Variants in CSRNP3 observed in about 807,000 individuals in gnomAD.
The protein encoded by CSRNP3 is cysteine and serine rich nuclear protein 3.
Under a neutral mutation model 48.0 loss-of-function variants are expected in CSRNP3, and 12 were observed. The ratio of observed to expected loss-of-function variants is 0.25; its 90% confidence interval spans 0.16 to 0.41. CSRNP3 has a LOEUF of 0.41. Ranked by LOEUF, CSRNP3 falls within the 10% of genes least tolerant of loss-of-function variation. CSRNP3 has a pLI of 1.00. For synonymous variants in CSRNP3, 263 were observed against 269.7 expected (o/e 0.98, Z 0.24); for missense variants, 580 against 724.4 (o/e 0.80, Z 2.29).
intron 4 of CSRNP3, among the ~76,000 whole-genome samples, chr2:165,607,942 A>G (rs990887715): frequency 6.6e-6 from 1 of 151,720 alleles, no homozygotes; most frequent in Non-Finnish European, 1.5e-5. Context: ...ATCAGATTCT[A>G]GTAATCCCTC....
intron 4 of CSRNP3, among the ~76,000 whole-genome samples, chr2:165,600,396 G>A (rs959532818): frequency 3.2e-4 from 49 of 152,058 alleles, no homozygotes; most frequent in Admixed American, 1.4e-3. Flanking sequence ...ATAAACGTAC[G>A]TGTGCATGTG....
At chr2:165,508,244 C>T (rs1684455078) in intron 2 of CSRNP3, among the ~76,000 whole-genome samples, 1 of 151,984 alleles carries the variant, frequency 6.6e-6, no homozygotes, top group South Asian at 2.1e-4. Context: ...ATTCTACCGG[C>T]AATTCTGTTT....
intron 4 of CSRNP3, among the ~76,000 whole-genome samples, chr2:165,632,264 G>C (rs959318951): frequency 1.8e-4 from 27 of 152,198 alleles, no homozygotes; most frequent in Non-Finnish European, 4.4e-5. Context: ...GTTCACACCT[G>C]TAATCCTACT....
At chr2:165,582,401 T>C (rs562533563) in intron 3 of CSRNP3, among the ~76,000 whole-genome samples, 2 of 152,200 alleles carry the variant, frequency 1.3e-5, no homozygotes, top group African/African-American at 2.4e-5. Context: ...CTGTCAAGTA[T>C]TCCTCAAGCC....
In CSRNP3 at chr2:165,514,499, A is replaced by G. The variant is rs563129525; in HGVS notation, c.-112-3374A>G. Among the ~76,000 whole-genome samples, 13 of 152,364 alleles carry G rather than the reference A, an allele frequency of 8.5e-5. No homozygotes were observed. The South Asian group carries it at 1.5e-3, about 17-fold the overall frequency. On this transcript the variant is annotated intron_variant, in intron 2 of 6. Transcript: ENST00000651982. ...CGCTGTAGATCTTAGCACAACTTTT[A>G]AAATTCTGTCTCTCACATGTGTGCA...
At chr2:165,663,036 T>C (rs1573953281) in intron 5 of CSRNP3, among the ~76,000 whole-genome samples, 2 of 152,312 alleles carry the variant, frequency 1.3e-5, no homozygotes, top group Admixed American at 1.3e-4. Flanking sequence ...CTCAGATTTA[T>C]GACTGCTTTG....
intron 2 of CSRNP3, among the ~76,000 whole-genome samples, chr2:165,511,924 T>A (rs887192448): frequency 1.3e-5 from 2 of 152,136 alleles, no homozygotes; most frequent in African/African-American, 4.8e-5. Context: ...TCAGGTGGGT[T>A]TTTTTGTCAC....
chr2:165,502,777 G>C (rs1418961386), intron 2 of CSRNP3, among the ~76,000 whole-genome samples: 1 of 150,684 alleles, frequency 6.6e-6, no homozygotes, highest in East Asian at 1.9e-4. Context: ...CTCTCTCTCT[G>C]TGTATATATA....
intron 3 of CSRNP3, among the ~76,000 whole-genome samples, chr2:165,519,065 A>G (rs1407356572): frequency 6.6e-6 from 1 of 152,114 alleles, no homozygotes; most frequent in Non-Finnish European, 1.5e-5. Flanking sequence ...TTAGCCTAGA[A>G]TACTGGCAGC....
At chr2:165,668,306 C>T (rs556662979) in intron 5 of CSRNP3, among the ~76,000 whole-genome samples, 2 of 152,134 alleles carry the variant, frequency 1.3e-5, no homozygotes, top group Non-Finnish European at 2.9e-5. Flanking sequence ...GAAATACTAA[C>T]TGGTGAGATG....
At chr2:165,563,803 T>G (rs1217512227) in intron 3 of CSRNP3, among the ~76,000 whole-genome samples, 1 of 152,142 alleles carries the variant, frequency 6.6e-6, no homozygotes, top group Non-Finnish European at 1.5e-5. Flanking sequence ...GCTGTTAAAT[T>G]TCATGTGAAA....
At chr2:165,644,444 T>G (rs148119400) in intron 4 of CSRNP3, among the ~76,000 whole-genome samples, 3 of 152,306 alleles carry the variant, frequency 2.0e-5, no homozygotes, top group Admixed American at 6.5e-5. Context: ...TATAAATGCT[T>G]ATGTATTTAG....
intron 5 of CSRNP3, among the ~76,000 whole-genome samples, chr2:165,668,320 TA>T (rs1444175088): frequency 6.6e-6 from 1 of 152,100 alleles, no homozygotes; most frequent in Non-Finnish European, 1.5e-5. Flanking sequence ...TGAGATGTTG[TA>T]TCTTTGGTTT....
intron 4 of CSRNP3, among the ~76,000 whole-genome samples, chr2:165,613,029 T>G (rs1686165660): frequency 1.3e-5 from 2 of 152,290 alleles, no homozygotes; most frequent in South Asian, 4.1e-4. Context: ...TAATTTACAT[T>G]CTTACCAACA....
intron 4 of CSRNP3, among the ~76,000 whole-genome samples, chr2:165,614,530 T>G (rs1462341051): frequency 1.3e-5 from 2 of 152,220 alleles, no homozygotes; most frequent in African/African-American, 4.8e-5. Context: ...GGCTTTCAGC[T>G]TTTCCCTATT....
intron 4 of CSRNP3, among the ~76,000 whole-genome samples, chr2:165,656,335 T>C (rs901670747): frequency 1.3e-5 from 2 of 152,178 alleles, no homozygotes; most frequent in African/African-American, 4.8e-5. Flanking sequence ...CCTCTTCTTC[T>C]CAACTACAGT....
chr2:165,481,487 A>C (rs1684042366), intron 1 of CSRNP3, among the ~76,000 whole-genome samples: 1 of 152,076 alleles, frequency 6.6e-6, no homozygotes, highest in Non-Finnish European at 1.5e-5. Flanking sequence ...GATCACACCC[A>C]CCCACCAAAA....
In CSRNP3 at chr2:165,679,452, A is replaced by T; in HGVS notation, c.1457A>T (p.Glu486Val). 2 of 1,613,306 alleles carry T rather than the reference A, an allele frequency of 1.2e-6. No individual in the cohort carries two copies. Among genetic ancestry groups the T allele is most frequent in the Non-Finnish European group, 1.7e-6 (2 of 1,179,896 alleles). ...GTTGACTATGCCCGACAAGCAGAAG[A>T]GGCCTATGGTGCCTCCCACTACCCA... is the stretch of plus-strand genomic sequence containing the variant. ...QFVDYARQAE[E>V]AYGASHYPAA... The change falls in exon 7 of 7, where the codon GAG (glutamate) becomes GTG (valine). Residue 486 changes from glutamate (E) to valine (V), a missense_variant. Around this residue, in one of 4 missense-constraint regions of CSRNP3, gnomAD observed 369 missense variants for 380.8 expected, o/e 0.97. Transcript: ENST00000651982.
intron 1 of CSRNP3, among the ~76,000 whole-genome samples, chr2:165,484,480 C>G (rs1684086957): frequency 6.6e-6 from 1 of 152,164 alleles, no homozygotes; most frequent in African/African-American, 2.4e-5. Flanking sequence ...ACGTACACAA[C>G]AAATACAATT....
Sources: gnomAD v4.1 joint callset for allele counts (sites outside exome capture counted in the v4.1 genomes callset) on GRCh38, gnomAD v4.1.1 for gene constraint, gnomAD v4.1.1 regional missense constraint, MANE v1.5 for transcripts, NCBI Gene and HGNC (gene_info 2026-07-23, HGNC 2026-07-21) for gene names.